The following GUCY2F variants were observed in gnomAD, a reference collection of about 807,000 sequenced individuals.
GUCY2F encodes retinal guanylyl cyclase 2.
In GUCY2F, 61 loss-of-function variants were observed where a neutral mutation model predicts 73.1. The ratio of observed to expected loss-of-function variants is 0.83; its 90% confidence interval spans 0.68 to 1.03. The LOEUF (loss-of-function observed/expected upper bound fraction) is 1.03, where lower values mean the gene tolerates loss of function less well. Ranked by LOEUF, GUCY2F falls within the 50% of genes least tolerant of loss-of-function variation. The pLI is 0.00. For synonymous variants in GUCY2F, 331 were observed against 307.8 expected, an observed-to-expected ratio of 1.08 and a Z score of -0.79; for missense variants, 912 against 854.3, an observed-to-expected ratio of 1.07 and a Z score of -0.84.
At chrX:109,417,684 A>G (rs189557635) in intron 8 of GUCY2F, among the ~76,000 whole-genome samples, 1 of 111,179 alleles carries the variant, frequency 9.0e-6, no homozygotes, top group African/African-American at 3.2e-5. Context: ...AAACATTTCA[A>G]TTAGAAGACA....
chrX:109,375,077 A>AC (rs1219769928), intron 19 of GUCY2F, among the ~76,000 whole-genome samples: 1 of 110,041 alleles, frequency 9.1e-6, no homozygotes, highest in Non-Finnish European at 1.9e-5. Context: ...CTTAATGTTT[A>AC]CCTTAGAATC....
At chrX:109,380,974 C>G (rs1197186940) in intron 17 of GUCY2F, among the ~76,000 whole-genome samples, 1 of 111,754 alleles carries the variant, frequency 8.9e-6, no homozygotes, top group Non-Finnish European at 1.9e-5. Context: ...CAAGTAATAT[C>G]CCTGTCCCCA....
intron 8 of GUCY2F, among the ~76,000 whole-genome samples, chrX:109,422,828 C>T (rs762687035): frequency 1.8e-5 from 2 of 111,809 alleles, no homozygotes; most frequent in South Asian, 7.5e-4. Context: ...ATATCCATTG[C>T]ACTTATATTG....
rs1394120847 is a variant in GUCY2F, at chrX:109,437,787, AG to A, written c.1701+3563del. 2.7e-5 allele frequency among the ~76,000 whole-genome samples: 3 copies of A among 112,775 alleles called. No homozygotes were observed. The Admixed American group carries it at 2.8e-4, about 11-fold the overall frequency. ...CCCTTCATTTTACAGATAAAAACCA[AG>A]GTTATGGAGATTTACTTCAGAATCC... is the stretch of plus-strand genomic sequence containing the variant. On this transcript the variant is annotated intron_variant, in intron 7 of 19. Transcript: ENST00000218006.
chrX:109,442,729 C>T (rs374091400), intron 6 of GUCY2F, among the ~76,000 whole-genome samples: 14 of 111,465 alleles, frequency 1.3e-4, no homozygotes, highest in African/African-American at 4.2e-4. Context: ...ATCTCAACAG[C>T]TCAAAATTCA....
At position 109,376,113 on chromosome X, in the gene GUCY2F, G is replaced by A. The variant is rs757970595; in HGVS notation, c.3205C>T (p.Pro1069Ser). The A allele has an allele frequency of 8.3e-7, 1 of 1,204,325 alleles. No individual in the cohort carries two copies. Among genetic ancestry groups the A allele is most frequent in the Non-Finnish European group, 1.1e-6 (1 of 888,633 alleles). ...WLIGKKGFMK[P>S]LPVPPPVDKD... ...TCCACTGGTGGGGGCACAGGAAGGG[G>A]CTTCATGAAGCCTTTTTTCCCAATC... Residue 1069 changes from proline (P) to serine (S), a missense_variant, in exon 18 of 20, where the codon CCC becomes TCC. Physicochemically the swap from Pro to Ser is moderately conservative, Grantham distance 74. Transcript: ENST00000218006.
At chrX:109,378,386 T>C (rs1392750021) in intron 17 of GUCY2F, among the ~76,000 whole-genome samples, 1 of 111,414 alleles carries the variant, frequency 9.0e-6, no homozygotes, top group Non-Finnish European at 1.9e-5. Context: ...AAAAAGCAAC[T>C]ATTGGGAAAT....
At chrX:109,404,797 T>A (rs776326201) in intron 9 of GUCY2F, among the ~76,000 whole-genome samples, 2 of 112,217 alleles carry the variant, frequency 1.8e-5, no homozygotes, top group African/African-American at 6.5e-5. Context: ...AGATTTTGAT[T>A]TTCCCCAAAA....
intron 8 of GUCY2F, among the ~76,000 whole-genome samples, chrX:109,409,918 T>C (rs1569361149): frequency 9.0e-6 from 1 of 111,409 alleles, no homozygotes; most frequent in African/African-American, 3.3e-5. Context: ...ATTAGCAGCA[T>C]GATAACGGAC....
At chrX:109,436,318 C>A (rs1296668741) in intron 7 of GUCY2F, among the ~76,000 whole-genome samples, 5 of 110,798 alleles carry the variant, frequency 4.5e-5, no homozygotes, top group African/African-American at 1.6e-4. Flanking sequence ...GAAATAGGAA[C>A]ACTTTTACAC....
At chrX:109,465,114 T>A (rs1367181047) in intron 3 of GUCY2F, 28 bp downstream of exon 3, 1 of 1,115,820 alleles carries the variant, frequency 9.0e-7, no homozygotes, top group East Asian at 3.0e-5. Context: ...GGTTCTCAGC[T>A]CATGACAACC....
At chrX:109,457,951 A>G (rs1018733455) in intron 3 of GUCY2F, among the ~76,000 whole-genome samples, 1 of 112,096 alleles carries the variant, frequency 8.9e-6, no homozygotes, top group Non-Finnish European at 1.9e-5. Context: ...TGTAGGCATC[A>G]AACCCTAATT....
At chrX:109,447,244 A>G (rs1230032384) in intron 6 of GUCY2F, among the ~76,000 whole-genome samples, 1 of 111,474 alleles carries the variant, frequency 9.0e-6, no homozygotes, top group African/African-American at 3.3e-5. Flanking sequence ...AGAACTAGAA[A>G]TACCATTTGA....
intron 4 of GUCY2F, among the ~76,000 whole-genome samples, chrX:109,453,224 C>T (rs1009398578): frequency 9.0e-6 from 1 of 111,156 alleles, no homozygotes; most frequent in African/African-American, 3.3e-5. Context: ...CTAATGTCTT[C>T]CTCTTTTTAG....
In GUCY2F at chrX:109,391,808, T is replaced by C. The variant is rs746783636; in HGVS notation, c.2781+103A>G. ...TACTATTTAATTTGTTATTCCTAAA[T>C]AACAATATTCCATAAATTTTATTCT... On this transcript the variant is annotated intron_variant, in intron 14 of 19. Transcript: ENST00000218006. 7 of 463,495 alleles carry C rather than the reference T, an allele frequency of 1.5e-5. No homozygotes were observed. The South Asian group carries it at 3.4e-4, about 22-fold the overall frequency. The allele number at this position is 463,495 out of a possible 1,213,427, so 38.2% of individuals were successfully genotyped here.
chrX:109,451,287 G>A (rs1932129218), intron 5 of GUCY2F, among the ~76,000 whole-genome samples: 1 of 111,701 alleles, frequency 9.0e-6, no homozygotes, highest in Non-Finnish European at 1.9e-5. Flanking sequence ...TGTACTAAGG[G>A]ATCTGAGAGA....
At chrX:109,447,944 AC>A (rs1256126297) in intron 6 of GUCY2F, 124 bp downstream of exon 6, 13 of 327,655 alleles carry the variant, frequency 4.0e-5, no homozygotes, top group Non-Finnish European at 7.1e-5. Context: ...TTCTAAACCC[AC>A]TGAGTACTTT....
intron 7 of GUCY2F, among the ~76,000 whole-genome samples, chrX:109,430,760 ATAGT>A (rs1410257504): frequency 4.5e-5 from 5 of 111,890 alleles, no homozygotes; most frequent in Admixed American, 9.4e-5. Context: ...ATTAATGGTG[ATAGT>A]TAGTGGTTGC....
chrX:109,456,280 G>A (rs1001487702), intron 3 of GUCY2F, among the ~76,000 whole-genome samples: 1 of 111,572 alleles, frequency 9.0e-6, no homozygotes, highest in Non-Finnish European at 1.9e-5. Context: ...GGGGGCTTTG[G>A]TAGGTTATGA....
Sources: gnomAD v4.1 joint callset for allele counts (sites outside exome capture counted in the v4.1 genomes callset) on GRCh38, gnomAD v4.1.1 for gene constraint, MANE v1.5 for transcripts, NCBI Gene and HGNC (gene_info 2026-07-23, HGNC 2026-07-21) for gene names.